EFNA5: variants seen among roughly 807,000 people sequenced by gnomAD.
The protein encoded by EFNA5 is ephrin-A5.
EFNA5 carries 5 observed loss-of-function variants against 22.9 expected under a neutral mutation model. The ratio of observed to expected loss-of-function variants is 0.22; its 90% CI spans 0.11 to 0.46. The LOEUF (loss-of-function observed/expected upper bound fraction) is 0.46, where lower values mean the gene tolerates loss of function less well. Among genes scored for constraint, EFNA5 ranks in the 20% least tolerant of loss-of-function variants. The pLI is 0.99. For missense variants in EFNA5, 237 were observed against 293.3 expected (o/e 0.81, Z 1.40); for synonymous variants, 113 against 112.2 (o/e 1.01, Z -0.04).
At chr5:107,637,934 C>T (rs544011415) in intron 1 of EFNA5, among the ~76,000 whole-genome samples, 4 of 151,742 alleles carry the variant, frequency 2.6e-5, no homozygotes, top group East Asian at 3.9e-4. Context: ...GCAAGCTCCG[C>T]CTCCTGGGTT....
intron 1 of EFNA5, among the ~76,000 whole-genome samples, chr5:107,620,273 G>A (rs576892436): frequency 3.0e-4 from 46 of 152,314 alleles, no homozygotes; most frequent in Middle Eastern, 3.4e-3. Context: ...TGCTGGCCAC[G>A]TTTCATTTAC....
chr5:107,473,660 T>TA lies in EFNA5; in HGVS notation c.126-46152_126-46151insT, dbSNP rs1201219306. 3.1e-4 allele frequency among the ~76,000 whole-genome samples: 29 copies of TA among 94,448 alleles called. 1 individual carries two copies. The East Asian group carries it at 0.013, about 43-fold the overall frequency. The allele number at this position is 94,448 out of a possible 152,430, so 62.0% of individuals were successfully genotyped here. On this transcript the variant is annotated intron_variant, in intron 1 of 4. Coordinates refer to ENST00000333274, the MANE Select transcript of EFNA5 (RefSeq NM_001962.3). ...ATTAACAATCGGATTTTCACTTGAA[T>TA]TTTTTTTTTTTTTTTTGAGACAGAG...
At chr5:107,461,444 T>C (rs927042155) in intron 1 of EFNA5, among the ~76,000 whole-genome samples, 6 of 152,002 alleles carry the variant, frequency 3.9e-5, no homozygotes, top group African/African-American at 1.4e-4. Flanking sequence ...CCAGCCGATA[T>C]ACCCCTAAAG....
At chr5:107,382,174 T>C (rs918591758) in intron 4 of EFNA5, among the ~76,000 whole-genome samples, 3 of 152,202 alleles carry the variant, frequency 2.0e-5, no homozygotes, top group Non-Finnish European at 4.4e-5. Flanking sequence ...AAGTGTTCTA[T>C]GAGGCTGCCT....
At chr5:107,484,461 C>T (rs932321575) in intron 1 of EFNA5, among the ~76,000 whole-genome samples, 1 of 152,174 alleles carries the variant, frequency 6.6e-6, no homozygotes, top group Non-Finnish European at 1.5e-5. Context: ...GGATCCATTG[C>T]AACAGACGTT....
Position 107,637,524 on chromosome 5 carries a change from G to GTT in EFNA5, c.125+32964_125+32965insAA, listed in dbSNP as rs1247735359. Among the ~76,000 whole-genome samples the GTT allele has an allele frequency of 3.4e-5, 5 of 149,076 alleles. No individual in the cohort carries two copies. In the South Asian group the frequency reaches 8.4e-4, roughly 25 times the overall value. On this transcript the variant is annotated intron_variant, in intron 1 of 4. Transcript: ENST00000333274. ...TGTGTGTGTGTGTGTGTGTCTGTGT[G>GTT]TGTGTGTGTGTGTGTGTGGGTTTGC...
At chr5:107,454,660 A>G (rs1749647855) in intron 1 of EFNA5, among the ~76,000 whole-genome samples, 1 of 152,144 alleles carries the variant, frequency 6.6e-6, no homozygotes, top group Non-Finnish European at 1.5e-5. Flanking sequence ...AAATACTAAC[A>G]TTTTTTAGTG....
intron 1 of EFNA5, among the ~76,000 whole-genome samples, chr5:107,581,555 C>T (rs1422623200): frequency 6.6e-6 from 1 of 152,214 alleles, no homozygotes; most frequent in African/African-American, 2.4e-5. Flanking sequence ...GCCATCTACA[C>T]TAGTGACCAA....
Position 107,658,191 on chromosome 5 carries a change from A to G in EFNA5, c.125+12298T>C, listed in dbSNP as rs139604338. Among the ~76,000 whole-genome samples the G allele has an allele frequency of 2.4e-3, 370 of 152,334 alleles. 9 individuals are homozygous for G. In the East Asian group the frequency reaches 0.059, roughly 24 times the overall value. ...TAGTCATCTTTTATGTTAATGTAAAAAGAACATTTGGGGTTAATTTAACCA... is the reference window on the plus strand; with the variant it reads ...TAGTCATCTTTTATGTTAATGTAAAGAGAACATTTGGGGTTAATTTAACCA... On this transcript the variant is annotated intron_variant, in intron 1 of 4. Coordinates refer to ENST00000333274, the MANE Select transcript of EFNA5 (RefSeq NM_001962.3).
chr5:107,405,927 ATATATT>A (rs1748200395), intron 2 of EFNA5, among the ~76,000 whole-genome samples: 1 of 133,206 alleles, frequency 7.5e-6, no homozygotes. Context: ...ATACAAATAC[ATATATT>A]TGTATACATA....
At chr5:107,593,130 A>C (rs1446458739) in intron 1 of EFNA5, among the ~76,000 whole-genome samples, 1 of 152,152 alleles carries the variant, frequency 6.6e-6, no homozygotes, top group Non-Finnish European at 1.5e-5. Flanking sequence ...ATACATCAGC[A>C]CCTGTTTTGA....
chr5:107,564,631 GTTT>G (rs34585445), intron 1 of EFNA5, among the ~76,000 whole-genome samples: 8 of 115,032 alleles, frequency 7.0e-5, no homozygotes, highest in Middle Eastern at 4.8e-3. Flanking sequence ...TTGGGTTTTT[GTTT>G]TTTTTTTTTT....
chr5:107,652,976 C>T (rs1036946072), intron 1 of EFNA5, among the ~76,000 whole-genome samples: 2 of 151,944 alleles, frequency 1.3e-5, no homozygotes, highest in African/African-American at 4.8e-5. Flanking sequence ...ATGGTTCTCC[C>T]TCACCCATCT....
intron 1 of EFNA5, among the ~76,000 whole-genome samples, chr5:107,510,900 GA>G (rs1747353701): frequency 6.6e-6 from 1 of 152,098 alleles, no homozygotes; most frequent in Non-Finnish European, 1.5e-5. Context: ...CTCTCAAACA[GA>G]AACTATTTTA....
intron 2 of EFNA5, among the ~76,000 whole-genome samples, chr5:107,394,726 T>C (rs1048118661): frequency 6.6e-6 from 1 of 152,194 alleles, no homozygotes; most frequent in African/African-American, 2.4e-5. Context: ...TTCCAGCAGG[T>C]AAGTCTCAGT....
At chr5:107,615,061 G>C (rs1327780235) in intron 1 of EFNA5, among the ~76,000 whole-genome samples, 1 of 151,968 alleles carries the variant, frequency 6.6e-6, no homozygotes, top group East Asian at 1.9e-4. Flanking sequence ...TTATCTACTA[G>C]ATTTTCATGC....
At chr5:107,423,778 A>G (rs1427457350) in intron 2 of EFNA5, among the ~76,000 whole-genome samples, 2 of 152,232 alleles carry the variant, frequency 1.3e-5, no homozygotes, top group Non-Finnish European at 2.9e-5. Context: ...ATAATCAGCA[A>G]TTATAACAAC....
chr5:107,576,343 C>T (rs190900312), intron 1 of EFNA5, among the ~76,000 whole-genome samples: 38 of 152,306 alleles, frequency 2.5e-4, no homozygotes, highest in African/African-American at 8.7e-4. Flanking sequence ...AATAACATGA[C>T]TGCACACAAG....
intron 1 of EFNA5, among the ~76,000 whole-genome samples, chr5:107,509,004 A>G (rs1478510385): frequency 6.6e-6 from 1 of 152,208 alleles, no homozygotes; most frequent in African/African-American, 2.4e-5. Context: ...TTCTGGTTTT[A>G]ATTACCTAGG....
Sources: gnomAD v4.1 joint callset for allele counts (sites outside exome capture counted in the v4.1 genomes callset) on GRCh38, gnomAD v4.1.1 for gene constraint, MANE v1.5 for transcripts, NCBI Gene and HGNC (gene_info 2026-07-23, HGNC 2026-07-21) for gene names.